KLHL5: variants seen among roughly 807,000 people sequenced by gnomAD.
KLHL5 encodes the protein kelch-like protein 5.
A neutral mutation model predicts 77.7 loss-of-function variants in KLHL5; 48 were observed. The ratio of observed to expected loss-of-function variants is 0.62; its 90% CI spans 0.49 to 0.79. The LOEUF (loss-of-function observed/expected upper bound fraction) is 0.79. Ranked by LOEUF, KLHL5 falls within the 30% of genes least tolerant of loss-of-function variation. The pLI is 0.00. For missense variants in KLHL5, 723 were observed against 859.7 expected (o/e 0.84, Z 1.99); for synonymous variants, 260 against 297.0 (o/e 0.88, Z 1.28).
In KLHL5 at chr4:39,123,964, G is replaced by A. The variant is rs1018816843; in HGVS notation, c.*2898G>A. On this transcript the variant is annotated 3_prime_UTR_variant, in exon 11 of 11. Coordinates refer to ENST00000504108, the MANE Select transcript of KLHL5 (RefSeq NM_015990.5). The stretch of plus-strand genomic sequence containing the variant: ...CCTAAAGAATCCACAAAATGATTCC[G>A]GCTGATTTTAAAAATTCAGCAATGT... 6.6e-6 allele frequency among the ~76,000 whole-genome samples: 1 copy of A among 151,964 alleles called. No individual in the cohort carries two copies. The highest frequency in any genetic ancestry group is 6.6e-5 in the Admixed American group (1 of 15,248).
intron 7 of KLHL5, among the ~76,000 whole-genome samples, chr4:39,107,069 A>C (rs1722095812): frequency 1.2e-5 from 1 of 81,252 alleles, no homozygotes; most frequent in Non-Finnish European, 2.8e-5. Context: ...TTTTTTTGAG[A>C]CGGAGTCTCA....
the KLHL5 span, among the ~76,000 whole-genome samples, chr4:39,134,365 A>G: frequency 6.6e-6 from 1 of 152,252 alleles, no homozygotes; most frequent in Non-Finnish European, 1.5e-5. Context: ...TTTCATATGT[A>G]TGTTAACTCA....
chr4:39,141,532 C>G, the KLHL5 span, among the ~76,000 whole-genome samples: 1 of 151,968 alleles, frequency 6.6e-6, no homozygotes, highest in African/African-American at 2.4e-5. Context: ...AGGATGGTCT[C>G]GATCTCCTGA....
intron 10 of KLHL5, chr4:39,115,988 G>A: frequency 1.0e-6 from 1 of 985,616 alleles, no homozygotes; most frequent in Non-Finnish European, 1.2e-6. Flanking sequence ...ATGTTTAACT[G>A]AGCCAAGATT....
At chr4:39,065,452 C>T (rs1254747631) in intron 1 of KLHL5, among the ~76,000 whole-genome samples, 2 of 151,194 alleles carry the variant, frequency 1.3e-5, no homozygotes, top group African/African-American at 4.9e-5. Flanking sequence ...GCCTCCCGTT[C>T]AAGCCATTCT....
intron 8 of KLHL5, among the ~76,000 whole-genome samples, chr4:39,108,647 C>T (rs1722219976): frequency 6.6e-6 from 1 of 151,970 alleles, no homozygotes; most frequent in Non-Finnish European, 1.5e-5. Context: ...CTCCATGCCC[C>T]TCCCCTCATT....
chr4:39,129,312 G>T (rs1251859455), downstream of KLHL5, among the ~76,000 whole-genome samples: 1 of 151,734 alleles, frequency 6.6e-6, no homozygotes, highest in Non-Finnish European at 1.5e-5. This position sits in a 1 kb window ranked among gnomAD's most constrained non-coding sequence, Gnocchi z 4.2. Flanking sequence ...GGTTCAAGTG[G>T]TTCTCCTGCC....
chr4:39,126,575 A>C (rs1475479481), downstream of KLHL5: 1 of 369,486 alleles, frequency 2.7e-6, no homozygotes, highest in African/African-American at 2.1e-5. Context: ...TATAATCTAG[A>C]AAGCAAACCC....
At chr4:39,065,645 C>T (rs1284850836) in intron 1 of KLHL5, among the ~76,000 whole-genome samples, 1 of 152,116 alleles carries the variant, frequency 6.6e-6, no homozygotes, top group Non-Finnish European at 1.5e-5. Flanking sequence ...TGAGCCACCA[C>T]ACCTGGCCTC....
chr4:39,110,159 A>C (rs1459578303), intron 8 of KLHL5, among the ~76,000 whole-genome samples: 1 of 152,208 alleles, frequency 6.6e-6, no homozygotes, highest in Non-Finnish European at 1.5e-5. Context: ...CTTATTTAAA[A>C]TGTATTACAA....
intron 1 of KLHL5, among the ~76,000 whole-genome samples, chr4:39,070,083 T>C (rs1194903241): frequency 1.3e-5 from 2 of 152,182 alleles, no homozygotes; most frequent in African/African-American, 4.8e-5. Flanking sequence ...GTGACACTTT[T>C]CCAAGAGTGT....
At position 39,101,126 on chromosome 4, in the gene KLHL5, T is replaced by TATACATATA. The variant is rs1553892884; in HGVS notation, c.1301-2161_1301-2160insATACATATA. On this transcript the variant is annotated intron_variant, in intron 6 of 10. Transcript: ENST00000504108. ...TTTGTTAATTTTGGATATTTGGATT[T>TATACATATA]TATATATATATATATATATATCTAC... 4.2e-3 allele frequency among the ~76,000 whole-genome samples: 567 copies of TATACATATA among 134,828 alleles called. 14 individuals carry two copies. Among genetic ancestry groups the TATACATATA allele is most frequent in the African/African-American group, 0.012 (415 of 35,906 alleles). 88.5% of individuals were successfully genotyped at this position (134,828 alleles called of 152,430 possible). A position where few individuals can be genotyped will look rare whatever the true frequency, so the allele number is the denominator to read the frequency against.
the KLHL5 span, among the ~76,000 whole-genome samples, chr4:39,142,264 G>A: frequency 6.6e-6 from 1 of 151,820 alleles, no homozygotes; most frequent in Non-Finnish European, 1.5e-5. Flanking sequence ...GCGTGGTGGC[G>A]GGCGCCTGTA....
downstream of KLHL5, among the ~76,000 whole-genome samples, chr4:39,131,710 G>A (rs1403486138): frequency 6.6e-6 from 1 of 151,854 alleles, no homozygotes; most frequent in Non-Finnish European, 1.5e-5. Flanking sequence ...GCAACATAGT[G>A]ACATCTGTCT....
chr4:39,125,321 C>A lies in KLHL5; in HGVS notation c.*4255C>A, dbSNP rs1723474704. Among the ~76,000 whole-genome samples the A allele has an allele frequency of 6.6e-6, 1 of 152,064 alleles. No individual in the cohort carries two copies. The highest frequency in any genetic ancestry group is 1.5e-5 in the Non-Finnish European group (1 of 68,024). On this transcript the variant is annotated 3_prime_UTR_variant, in exon 11 of 11. Transcript: ENST00000504108. ...TTAAAAAAAAGAATTACCATATGAC[C>A]CAGCAAGTCCACTCCTGGGCATATA...
At chr4:39,065,597 G>T (rs1000863863) in intron 1 of KLHL5, among the ~76,000 whole-genome samples, 2 of 151,822 alleles carry the variant, frequency 1.3e-5, no homozygotes, top group Admixed American at 6.6e-5. Flanking sequence ...CAAGTGATCC[G>T]CCCACGTCCG....
chr4:39,056,881 G>A (rs1717044889), intron 1 of KLHL5, among the ~76,000 whole-genome samples: 1 of 152,106 alleles, frequency 6.6e-6, no homozygotes. Context: ...ATCCTATAAG[G>A]TCTCTGTAAA....
At chr4:39,095,654 CAAA>C (rs1177865371) in intron 5 of KLHL5, among the ~76,000 whole-genome samples, 1 of 150,966 alleles carries the variant, frequency 6.6e-6, no homozygotes, top group African/African-American at 2.4e-5. Flanking sequence ...CATACTGAAA[CAAA>C]ATTGATGTCT....
At chr4:39,083,741 G>A (rs1426484124) in intron 4 of KLHL5, among the ~76,000 whole-genome samples, 1 of 152,000 alleles carries the variant, frequency 6.6e-6, no homozygotes, top group East Asian at 1.9e-4. Context: ...CTTTTTTCTA[G>A]GAAGGTGTTT....
Sources: gnomAD v4.1 joint callset for allele counts (sites outside exome capture counted in the v4.1 genomes callset) on GRCh38, gnomAD v4.1.1 for gene constraint, Gnocchi (gnomAD v3.1) non-coding constraint, MANE v1.5 for transcripts, NCBI Gene and HGNC (gene_info 2026-07-23, HGNC 2026-07-21) for gene names.